Variants in SMIM35 observed in about 807,000 individuals in gnomAD.
The protein encoded by SMIM35 is TMPRSS4 antisense RNA 1 (non-protein coding).
chr11:118,047,349 GAGAA>G (rs1944114324), intron 1 of SMIM35, among the ~76,000 whole-genome samples: 1 of 152,258 alleles, frequency 6.6e-6, no homozygotes, highest in Non-Finnish European at 1.5e-5. Context: ...TGAAAACAGA[GAGAA>G]AGGGAGAGAG....
intron 1 of SMIM35, among the ~76,000 whole-genome samples, chr11:118,074,905 AT>A (rs1944631802): frequency 6.6e-6 from 1 of 151,990 alleles, no homozygotes; most frequent in South Asian, 2.1e-4. Flanking sequence ...AGTCCTGCTT[AT>A]GTGCCTTCTT....
intron 4 of SMIM35, among the ~76,000 whole-genome samples, chr11:118,006,765 T>C (rs1754146353): frequency 6.6e-6 from 1 of 152,202 alleles, no homozygotes; most frequent in Admixed American, 6.5e-5. Context: ...AAATTTTATC[T>C]TCAGGCTTGT....
intron 1 of SMIM35, among the ~76,000 whole-genome samples, chr11:118,061,627 C>T (rs1166697438): frequency 6.6e-6 from 1 of 152,110 alleles, no homozygotes; most frequent in African/African-American, 2.4e-5. Flanking sequence ...TCCTGCTGGC[C>T]TCCACAGAGG....
Position 118,048,946 on chromosome 11 carries a change from CAA to C in SMIM35, c.8-33139_8-33138del, listed in dbSNP as rs57261529. Among the ~76,000 whole-genome samples the C allele has an allele frequency of 2.6e-3, 159 of 60,498 alleles. 8 individuals carry two copies. The highest frequency in any genetic ancestry group is 0.011 in the African/African-American group (149 of 13,728). 39.7% of individuals were successfully genotyped at this position (60,498 alleles called of 152,430 possible). Reference sequence around the variant, plus strand: ...GCCTATCGCCTAGGCTGAAGAGCTGCAAAAAAAAAAAAAAAAAAGCAAGTGAA... The same window carrying C: ...GCCTATCGCCTAGGCTGAAGAGCTGCAAAAAAAAAAAAAAAAGCAAGTGAA... On this transcript the variant is annotated intron_variant, in intron 1 of 4. Transcript: ENST00000689828.
chr11:118,078,817 A>T (rs911283907), intron 1 of SMIM35, among the ~76,000 whole-genome samples: 1 of 151,508 alleles, frequency 6.6e-6, no homozygotes, highest in African/African-American at 2.4e-5. Context: ...TCTTCCCGAG[A>T]CTCACCTTCT....
chr11:118,019,287 G>A (rs1030861539), intron 1 of SMIM35, among the ~76,000 whole-genome samples: 1 of 152,142 alleles, frequency 6.6e-6, no homozygotes, highest in Admixed American at 6.5e-5. Context: ...ATGGGCAAAG[G>A]TAGTACAGAA....
chr11:118,086,062 A>G (rs936829306), intron 1 of SMIM35, among the ~76,000 whole-genome samples: 2 of 152,248 alleles, frequency 1.3e-5, no homozygotes, highest in Non-Finnish European at 2.9e-5. Context: ...CTTCAGTTTA[A>G]TTTAGCCCAA....
chr11:118,030,195 C>T (rs994063505), intron 1 of SMIM35, among the ~76,000 whole-genome samples: 3 of 152,062 alleles, frequency 2.0e-5, no homozygotes, highest in African/African-American at 7.2e-5. Flanking sequence ...TCACCACACC[C>T]AGCTAATTTT....
chr11:118,027,656 A>G (rs2058285524), intron 1 of SMIM35, among the ~76,000 whole-genome samples: 1 of 152,378 alleles, frequency 6.6e-6, no homozygotes, highest in African/African-American at 2.4e-5. Flanking sequence ...TTAGATAACC[A>G]TATCAACTGA....
In SMIM35 at chr11:118,004,835, C is replaced by T. The variant is rs905577918; in HGVS notation, c.*1575G>A. ...AGGAGCCTCACTGGGGCTCCTTGGT[C>T]AATCACAGCCCATCATCAAGGGTGC... On this transcript the variant is annotated 3_prime_UTR_variant, in exon 5 of 5. Transcript: ENST00000689828. 3 of 152,196 alleles carry T rather than the reference C, an allele frequency of 2.0e-5. No homozygotes were observed. The highest frequency in any genetic ancestry group is 6.5e-5 in the Admixed American group (1 of 15,282). The allele number at this position is 152,196 out of a possible 1,614,324, so 9.4% of individuals were successfully genotyped here.
At chr11:118,025,984 GGGGTC>G in intron 1 of SMIM35, 1 of 303,668 alleles carries the variant, frequency 3.3e-6, no homozygotes, top group Non-Finnish European at 6.2e-6. Context: ...GTGAAAGTTA[GGGGTC>G]CAGTTTCAAT....
chr11:118,024,553 A>T (rs7942124), intron 1 of SMIM35, among the ~76,000 whole-genome samples: 14,558 of 151,004 alleles, frequency 0.096, 964 homozygotes, highest in East Asian at 0.37. Flanking sequence ...GCTCACTGCA[A>T]CCTCGACCTC....
Position 118,069,296 on chromosome 11 carries a change from C to T in SMIM35, c.7+17455G>A, listed in dbSNP as rs186082917. On this transcript the variant is annotated intron_variant, in intron 1 of 4. Coordinates refer to ENST00000689828, the MANE Select transcript of SMIM35 (RefSeq NM_001394165.1). ...GAGTAGAATGTCAGTAAATAATATTCGTCTTCCTTTTCTTCGTCTTCATGC... is the reference window on the plus strand; with the variant it reads ...GAGTAGAATGTCAGTAAATAATATTTGTCTTCCTTTTCTTCGTCTTCATGC... 3.3e-4 allele frequency among the ~76,000 whole-genome samples: 51 copies of T among 152,258 alleles called. 1 individual carries two copies. Among genetic ancestry groups the T allele is most frequent in the African/African-American group, 9.1e-4 (38 of 41,536 alleles).
chr11:118,007,138 T>C (rs778128811), intron 4 of SMIM35, among the ~76,000 whole-genome samples: 44 of 148,828 alleles, frequency 3.0e-4, no homozygotes, highest in Non-Finnish European at 4.5e-4. Context: ...GTGGAACTGA[T>C]TAGAGTCCAT....
chr11:118,082,737 G>A (rs1945242062), intron 1 of SMIM35, among the ~76,000 whole-genome samples: 1 of 152,076 alleles, frequency 6.6e-6, no homozygotes, highest in South Asian at 2.1e-4. Flanking sequence ...CAAATTACCA[G>A]GAGACCATTA....
At chr11:118,035,548 T>C (rs2058352748) in intron 1 of SMIM35, among the ~76,000 whole-genome samples, 1 of 152,102 alleles carries the variant, frequency 6.6e-6, no homozygotes, top group Non-Finnish European at 1.5e-5. Context: ...CCAGGTGCCA[T>C]CAGAACAGAA....
chr11:118,038,210 C>G (rs1029194022), intron 1 of SMIM35, among the ~76,000 whole-genome samples: 1 of 152,200 alleles, frequency 6.6e-6, no homozygotes, highest in African/African-American at 2.4e-5. Flanking sequence ...AGGCTTCGGG[C>G]GTGAACTGAA....
At chr11:118,053,584 G>T (rs959474238) in intron 1 of SMIM35, among the ~76,000 whole-genome samples, 4 of 152,150 alleles carry the variant, frequency 2.6e-5, no homozygotes, top group Non-Finnish European at 5.9e-5. Context: ...AGCGCCCTCT[G>T]GTGGCTGAAA....
At chr11:118,032,607 A>C (rs1337719499) in intron 1 of SMIM35, among the ~76,000 whole-genome samples, 1 of 151,986 alleles carries the variant, frequency 6.6e-6, no homozygotes, top group Non-Finnish European at 1.5e-5. Flanking sequence ...GTATTACTCT[A>C]ATAAAAACAA....
Sources: gnomAD v4.1 joint callset for allele counts (sites outside exome capture counted in the v4.1 genomes callset) on GRCh38, gnomAD v4.1.1 for gene constraint, MANE v1.5 for transcripts, NCBI Gene and HGNC (gene_info 2026-07-23, HGNC 2026-07-21) for gene names.